The following SHBG variants were observed in gnomAD, a reference collection of about 807,000 sequenced individuals.
SHBG encodes sex hormone binding globulin.
In SHBG, 37 loss-of-function variants were observed where a neutral mutation model predicts 41.9. The ratio of observed to expected loss-of-function variants is 0.88; its 90% CI spans 0.68 to 1.16. The LOEUF (loss-of-function observed/expected upper bound fraction) is 1.16, where lower values mean the gene tolerates loss of function less well. Among genes scored for constraint, SHBG ranks in the 50% most tolerant of loss-of-function variants. SHBG has a pLI of 0.00. For missense variants in SHBG, 466 were observed against 499.9 expected (o/e 0.93, Z 0.65); for synonymous variants, 217 against 205.8 (o/e 1.05, Z -0.47).
At chr17:7,629,660 G>A (rs1476348924), upstream of SHBG, among the ~76,000 whole-genome samples, 1 of 152,140 alleles carries the variant, frequency 6.6e-6, no homozygotes, top group Non-Finnish European at 1.5e-5. Context: ...CAGTCACCCC[G>A]TAAAGTATTA....
chr17:7,626,676 C>T, upstream of SHBG: 1 of 1,611,932 alleles, frequency 6.2e-7, no homozygotes, highest in Non-Finnish European at 8.5e-7. Context: ...TTCTCACTCC[C>T]TCTTTCAACC....
chr17:7,615,774 C>A (rs1261424420), intron 1 of SHBG, among the ~76,000 whole-genome samples: 5 of 147,442 alleles, frequency 3.4e-5, no homozygotes, highest in Non-Finnish European at 7.4e-5. Flanking sequence ...GCAGAAGTTG[C>A]AGTGAGCCAA....
chr17:7,626,930 T>TTC, upstream of SHBG: 1 of 1,612,966 alleles, frequency 6.2e-7, no homozygotes, highest in Non-Finnish European at 8.5e-7. Context: ...CAGCCTCAGC[T>TTC]TCTGCCCAGT....
chr17:7,614,624 G>C (rs1452280817), intron 1 of SHBG: 22 of 721,526 alleles, frequency 3.0e-5, no homozygotes, highest in Admixed American at 8.9e-5. Flanking sequence ...CCCCGGAGGA[G>C]GAGCCGGAGG....
chr17:7,621,589 C>G (rs1470187742), intron 1 of SHBG, among the ~76,000 whole-genome samples: 2 of 73,826 alleles, frequency 2.7e-5, no homozygotes, highest in African/African-American at 1.0e-4. Flanking sequence ...GGCAACAGAG[C>G]GAGTCTCCGT....
Position 7,630,323 on chromosome 17 carries a change from C to T in SHBG, c.111+40C>T. 1 of 1,592,858 alleles carries T rather than the reference C, an allele frequency of 6.3e-7. No individual in the cohort carries two copies. On this transcript the variant is annotated intron_variant, in intron 1 of 7. Coordinates refer to ENST00000380450, the MANE Select transcript of SHBG (RefSeq NM_001040.5). The surrounding 1 kb of genome is among the most constrained non-coding windows in gnomAD (Gnocchi z 4.6). ...CAGGGCACTCAGCTCATGCAGTCTT[C>T]CCTTCTCTCCTCTGGCCCTGTAGCA... is the stretch of plus-strand genomic sequence containing the variant.
chr17:7,625,103 C>A (rs1447386071), upstream of SHBG, among the ~76,000 whole-genome samples: 2 of 151,692 alleles, frequency 1.3e-5, no homozygotes, highest in Admixed American at 1.3e-4. Context: ...GCGCCTGCCA[C>A]CACGCCTGGC....
intron 1 of SHBG, among the ~76,000 whole-genome samples, chr17:7,621,731 GAGAAATTAC>G (rs761656425): frequency 1.2e-3 from 179 of 152,030 alleles, no homozygotes; most frequent in Non-Finnish European, 2.1e-3. Flanking sequence ...GGAATTGGGG[GAGAAATTAC>G]AGAAGGAGGC....
upstream of SHBG, chr17:7,627,186 G>A (rs34780532): frequency 5.6e-3 from 9,095 of 1,614,092 alleles, 403 homozygotes; most frequent in African/African-American, 0.11. This position sits in a 1 kb window ranked among gnomAD's most constrained non-coding sequence, Gnocchi z 4.8. Context: ...CTACCAAACA[G>A]TGATAGAAAG....
intron 1 of SHBG, among the ~76,000 whole-genome samples, chr17:7,621,498 G>C (rs2150957792): frequency 7.3e-6 from 1 of 136,962 alleles, no homozygotes; most frequent in African/African-American, 2.8e-5. Flanking sequence ...CTACTCAAGA[G>C]GTTGAGGCAG....
At chr17:7,621,673 TAATAA>T (rs1232847599) in intron 1 of SHBG, among the ~76,000 whole-genome samples, 1 of 131,102 alleles carries the variant, frequency 7.6e-6, no homozygotes, top group African/African-American at 2.9e-5. Context: ...TAAATTTAAA[TAATAA>T]AATAAAGTAC....
At chr17:7,625,305 G>A (rs1381956184), upstream of SHBG, among the ~76,000 whole-genome samples, 1 of 151,724 alleles carries the variant, frequency 6.6e-6, no homozygotes, top group Non-Finnish European at 1.5e-5. Context: ...CAGGCCAGGC[G>A]TGGTGGCTCA....
upstream of SHBG, among the ~76,000 whole-genome samples, chr17:7,624,066 C>T (rs1567760369): frequency 6.6e-6 from 1 of 152,144 alleles, no homozygotes; most frequent in Non-Finnish European, 1.5e-5. Flanking sequence ...ATTCTCCTGC[C>T]TCAGCCTCCT....
chr17:7,630,963 C>T lies in SHBG; in HGVS notation c.393+94C>T. 4 of 1,181,956 alleles carry T rather than the reference C, an allele frequency of 3.4e-6. No individual in the cohort carries two copies. In the South Asian group the frequency reaches 5.1e-5, roughly 15 times the overall value. 73.2% of individuals were successfully genotyped at this position (1,181,956 alleles called of 1,614,324 possible). The stretch of plus-strand genomic sequence containing the variant: ...TTATTGGGCATCCCTCTACCACTGT[C>T]ATCTCGTTTAATCCACACGAACCCC... On this transcript the variant is annotated intron_variant, in intron 3 of 7. Transcript: ENST00000380450. This position sits in a 1 kb window ranked among gnomAD's most constrained non-coding sequence, Gnocchi z 4.6.
chr17:7,626,873 G>C (rs1009485589), upstream of SHBG: 2 of 1,604,842 alleles, frequency 1.2e-6, no homozygotes, highest in Non-Finnish European at 1.7e-6. Context: ...CTGGGCTCTG[G>C]GGACAGGGGA....
chr17:7,628,867 C>T (rs1317291395), upstream of SHBG, among the ~76,000 whole-genome samples: 2 of 151,726 alleles, frequency 1.3e-5, no homozygotes, highest in Non-Finnish European at 2.9e-5. Flanking sequence ...ACCAGCCTGA[C>T]CAACATGGTG....
At chr17:7,623,165 G>A (rs991714672), upstream of SHBG, among the ~76,000 whole-genome samples, 2 of 152,196 alleles carry the variant, frequency 1.3e-5, no homozygotes, top group African/African-American at 4.8e-5. Context: ...GGCCGAGGTG[G>A]GCAGATCACC....
rs999440842 is a variant in SHBG, at chr17:7,630,999, C to G, written c.393+130C>G. On this transcript the variant is annotated intron_variant, in intron 3 of 7. Transcript: ENST00000380450. This position sits in a 1 kb window ranked among gnomAD's most constrained non-coding sequence, Gnocchi z 4.6. Reference sequence around the variant, plus strand: ...ATCCACACGAACCCCCACAAAGTAGCTATTCTTGGCCCCATCTTTTCTGAT... The same window carrying G: ...ATCCACACGAACCCCCACAAAGTAGGTATTCTTGGCCCCATCTTTTCTGAT... 4 of 981,358 alleles carry G rather than the reference C, an allele frequency of 4.1e-6. No individual in the cohort carries two copies. Among genetic ancestry groups the G allele is most frequent in the African/African-American group, 3.2e-5 (2 of 62,242 alleles). The allele number at this position is 981,358 out of a possible 1,614,324, so 60.8% of individuals were successfully genotyped here.
chr17:7,621,603 A>T, intron 1 of SHBG, among the ~76,000 whole-genome samples: 2 of 50,454 alleles, frequency 4.0e-5, no homozygotes, highest in Admixed American at 2.0e-4. Context: ...TCTCCGTCTA[A>T]AAAAAAAAAA....
Sources: gnomAD v4.1 joint callset for allele counts (sites outside exome capture counted in the v4.1 genomes callset) on GRCh38, gnomAD v4.1.1 for gene constraint, Gnocchi (gnomAD v3.1) non-coding constraint, MANE v1.5 for transcripts, NCBI Gene and HGNC (gene_info 2026-07-23, HGNC 2026-07-21) for gene names.